MYO1D: variants seen among roughly 807,000 people sequenced by gnomAD.
The protein encoded by MYO1D is unconventional myosin-Id.
MYO1D carries 83 observed loss-of-function variants against 122.0 expected under a neutral mutation model. That is an observed-to-expected ratio of 0.68 (90% CI 0.57 to 0.82). MYO1D has a LOEUF of 0.82. Ranked by LOEUF, MYO1D falls within the 40% of genes least tolerant of loss-of-function variation. MYO1D has a pLI of 0.00. For missense variants in MYO1D, 1,157 were observed against 1,269.5 expected (o/e 0.91, Z 1.35); for synonymous variants, 464 against 446.9 (o/e 1.04, Z -0.48).
chr17:32,558,245 T>C (rs928242410), intron 21 of MYO1D, among the ~76,000 whole-genome samples: 1 of 152,078 alleles, frequency 6.6e-6, no homozygotes, highest in Non-Finnish European at 1.5e-5. Flanking sequence ...CTAGGCCCAA[T>C]GGAAACAATT....
At chr17:32,786,689 G>A (rs2090297799) in intron 1 of MYO1D, among the ~76,000 whole-genome samples, 1 of 152,080 alleles carries the variant, frequency 6.6e-6, no homozygotes. Flanking sequence ...GAGTGGTGGC[G>A]CATACCTGTA....
chr17:32,524,860 C>T (rs902110398), intron 21 of MYO1D, among the ~76,000 whole-genome samples: 1 of 152,142 alleles, frequency 6.6e-6, no homozygotes, highest in African/African-American at 2.4e-5. Context: ...TGCGCCTGGC[C>T]TTGACTAATT....
At chr17:32,515,301 T>A (rs1272241561) in intron 21 of MYO1D, among the ~76,000 whole-genome samples, 4 of 152,244 alleles carry the variant, frequency 2.6e-5, no homozygotes, top group African/African-American at 9.6e-5. Flanking sequence ...TTATTCAGTA[T>A]TTTTAAATTC....
At chr17:32,511,865 A>G (rs1205715035) in intron 21 of MYO1D, among the ~76,000 whole-genome samples, 1 of 152,172 alleles carries the variant, frequency 6.6e-6, no homozygotes, top group Non-Finnish European at 1.5e-5. Flanking sequence ...CACCATTATC[A>G]AGAAGCATTT....
chr17:32,789,230 C>T (rs900464632), intron 1 of MYO1D, among the ~76,000 whole-genome samples: 10 of 152,244 alleles, frequency 6.6e-5, no homozygotes, highest in African/African-American at 2.4e-4. Flanking sequence ...AGTTCAACTT[C>T]CTCTTTTCCA....
intron 20 of MYO1D, among the ~76,000 whole-genome samples, chr17:32,616,786 C>T (rs995183077): frequency 2.6e-5 from 4 of 152,260 alleles, no homozygotes; most frequent in African/African-American, 9.6e-5. Flanking sequence ...TGGCTTTTGA[C>T]GAATAAAATG....
chr17:32,729,740 C>A (rs997288827), intron 14 of MYO1D, among the ~76,000 whole-genome samples: 1 of 151,956 alleles, frequency 6.6e-6, no homozygotes, highest in Non-Finnish European at 1.5e-5. Flanking sequence ...GACTTGGGTA[C>A]CAAAGTTAGA....
At chr17:32,818,427 C>G (rs1161852662) in intron 1 of MYO1D, among the ~76,000 whole-genome samples, 1 of 152,168 alleles carries the variant, frequency 6.6e-6, no homozygotes, top group Non-Finnish European at 1.5e-5. Flanking sequence ...GAAGGTACCA[C>G]CACTTGAGAT....
chr17:32,745,756 G>C (rs537123573), intron 12 of MYO1D: 2 of 156,708 alleles, frequency 1.3e-5, no homozygotes, highest in East Asian at 1.9e-4. Context: ...CAGGGAAACA[G>C]ATCAAATGGA....
intron 21 of MYO1D, among the ~76,000 whole-genome samples, chr17:32,583,287 C>T (rs1205438975): frequency 6.6e-6 from 1 of 152,100 alleles, no homozygotes; most frequent in Admixed American, 6.5e-5. Flanking sequence ...ATGTGTCTTT[C>T]TCCTCTAGCA....
intron 21 of MYO1D, among the ~76,000 whole-genome samples, chr17:32,522,728 T>C (rs1338961335): frequency 1.3e-5 from 2 of 151,898 alleles, no homozygotes; most frequent in African/African-American, 4.8e-5. Flanking sequence ...CTTTTGCTCA[T>C]TACCCACTGA....
intron 1 of MYO1D, among the ~76,000 whole-genome samples, chr17:32,800,464 A>G (rs1373691587): frequency 6.6e-6 from 1 of 152,178 alleles, no homozygotes; most frequent in Non-Finnish European, 1.5e-5. Context: ...CAAATACCAC[A>G]TGACCACACT....
chr17:32,876,838 G>C lies in MYO1D; in HGVS notation c.35C>G (p.Ala12Gly). The C allele has an allele frequency of 6.6e-7, 1 of 1,520,206 alleles. No individual in the cohort carries two copies. Among genetic ancestry groups the C allele is most frequent in the Non-Finnish European group, 8.8e-7 (1 of 1,134,038 alleles). 94.2% of individuals were successfully genotyped at this position (1,520,206 alleles called of 1,614,324 possible). The change falls in exon 1 of 22, where the codon GCA (alanine) becomes GGA (glycine). Residue 12 changes from alanine (A) to glycine (G), a missense_variant. Coordinates refer to ENST00000318217, the MANE Select transcript of MYO1D (RefSeq NM_015194.3). ...GACGGTGTCCATCAGCACGAAGTCT[G>C]CCTTGCCGAATTCCAGGCTCTCCTG... ...AEQESLEFGK[A>G]DFVLMDTVSM...
At chr17:32,754,032 T>C (rs1048533079) in intron 11 of MYO1D, among the ~76,000 whole-genome samples, 1 of 152,216 alleles carries the variant, frequency 6.6e-6, no homozygotes, top group Non-Finnish European at 1.5e-5. Flanking sequence ...GACTCATAGC[T>C]AATTTAAATG....
chr17:32,677,576 GATAAATATATATATATATATATAT>G (rs1332640382), intron 16 of MYO1D, among the ~76,000 whole-genome samples: 3 of 98,940 alleles, frequency 3.0e-5, no homozygotes, highest in Non-Finnish European at 5.9e-5. Context: ...TATATAGATA[GATAAATATATATATATATATATAT>G]ATATATATAT....
At chr17:32,617,078 G>A (rs2087780217) in intron 20 of MYO1D, among the ~76,000 whole-genome samples, 1 of 152,192 alleles carries the variant, frequency 6.6e-6, no homozygotes, top group Non-Finnish European at 1.5e-5. Flanking sequence ...CTATTCTGGA[G>A]GCTGAGGCAC....
At chr17:32,508,604 G>A (rs997639003) in intron 21 of MYO1D, among the ~76,000 whole-genome samples, 44 of 152,312 alleles carry the variant, frequency 2.9e-4, no homozygotes, top group African/African-American at 1.0e-3. Flanking sequence ...ATGGCAGCCT[G>A]AGCAGACTAA....
chr17:32,521,729 C>T (rs1910145582), intron 21 of MYO1D, among the ~76,000 whole-genome samples: 1 of 152,058 alleles, frequency 6.6e-6, no homozygotes, highest in Non-Finnish European at 1.5e-5. Context: ...GCAGGCAGAT[C>T]ATGAAGTCAG....
intron 21 of MYO1D, among the ~76,000 whole-genome samples, chr17:32,534,301 GA>G (rs1463886954): frequency 2.0e-5 from 3 of 152,048 alleles, no homozygotes; most frequent in African/African-American, 7.3e-5. Flanking sequence ...TGAGTATCTG[GA>G]ACTACAGGCA....
Sources: gnomAD v4.1 joint callset for allele counts (sites outside exome capture counted in the v4.1 genomes callset) on GRCh38, gnomAD v4.1.1 for gene constraint, MANE v1.5 for transcripts, NCBI Gene and HGNC (gene_info 2026-07-23, HGNC 2026-07-21) for gene names.